Variants in SYN2 observed in about 807,000 individuals in gnomAD.
SYN2 encodes synapsin-2.
A neutral mutation model predicts 50.9 loss-of-function variants in SYN2; 19 were observed. That is an observed-to-expected ratio of 0.37 (90% CI 0.26 to 0.55). The LOEUF (loss-of-function observed/expected upper bound fraction) is 0.55. SYN2 is among the 20% of genes least tolerant of loss of function. SYN2 has a pLI of 0.81. For synonymous variants in SYN2, 255 were observed against 224.9 expected (o/e 1.13, Z -1.20); for missense variants, 587 against 576.4 (o/e 1.02, Z -0.19).
rs565622564 is a variant in SYN2, at chr3:12,006,857, G to C, written c.377+1929G>C. ...TGGTTAGTGAGAGCCAGAGTTATTG[G>C]AGAAAGCTTCACAAAAGATGAATCT... On this transcript the variant is annotated intron_variant, in intron 1 of 12. Coordinates refer to ENST00000621198, the MANE Select transcript of SYN2 (RefSeq NM_133625.6). Among the ~76,000 whole-genome samples the C allele has an allele frequency of 2.0e-5, 3 of 152,308 alleles. No individual in the cohort carries two copies. The South Asian group carries it at 6.2e-4, about 32-fold the overall frequency.
At chr3:12,043,870 T>C (rs757834701) in intron 1 of SYN2, among the ~76,000 whole-genome samples, 38 of 152,166 alleles carry the variant, frequency 2.5e-4, no homozygotes, top group Non-Finnish European at 4.3e-4. Context: ...ACCTAATATT[T>C]TATCTGTTTC....
intron 1 of SYN2, among the ~76,000 whole-genome samples, chr3:12,014,582 G>A (rs1460032310): frequency 2.0e-5 from 3 of 152,142 alleles, no homozygotes; most frequent in East Asian, 3.9e-4. Flanking sequence ...TAAAATTGAG[G>A]ACCAAGTTTC....
intron 1 of SYN2, among the ~76,000 whole-genome samples, chr3:12,060,847 C>T (rs190477587): frequency 1.2e-3 from 177 of 152,260 alleles, no homozygotes; most frequent in Admixed American, 3.8e-3. Context: ...AATTACAAGT[C>T]ATGCTAAAGG....
At chr3:12,119,685 C>T (rs1696509605) in intron 1 of SYN2, among the ~76,000 whole-genome samples, 1 of 152,184 alleles carries the variant, frequency 6.6e-6, no homozygotes. Context: ...TTTTAGTCAC[C>T]TTTCAGGTTG....
intron 1 of SYN2, among the ~76,000 whole-genome samples, chr3:12,036,315 T>G (rs1694497163): frequency 6.6e-6 from 1 of 152,186 alleles, no homozygotes; most frequent in Admixed American, 6.5e-5. Flanking sequence ...GTGACAAGTC[T>G]CTGCGTTGGC....
chr3:12,015,511 A>G (rs1489091440), intron 1 of SYN2, among the ~76,000 whole-genome samples: 1 of 152,252 alleles, frequency 6.6e-6, no homozygotes, highest in African/African-American at 2.4e-5. Context: ...AAATATAAAC[A>G]AATGACAGCT....
intron 3 of SYN2, among the ~76,000 whole-genome samples, chr3:12,142,275 A>G (rs977211349): frequency 1.3e-5 from 2 of 152,068 alleles, no homozygotes; most frequent in Admixed American, 6.6e-5. Context: ...ATTTCCCCCA[A>G]CCCCTTCAGC....
intron 10 of SYN2, among the ~76,000 whole-genome samples, chr3:12,178,538 C>T (rs1698142844): frequency 6.6e-6 from 1 of 152,206 alleles, no homozygotes; most frequent in African/African-American, 2.4e-5. Context: ...TTTACCATTT[C>T]TGCAAGGACC....
At chr3:12,189,947 T>TGAC (rs1271799658) in intron 12 of SYN2, among the ~76,000 whole-genome samples, 2 of 152,184 alleles carry the variant, frequency 1.3e-5, no homozygotes, top group East Asian at 3.9e-4. Context: ...TTACCAAACT[T>TGAC]GACAGATGAG....
rs1404563223 is a variant in SYN2, at chr3:12,191,528, CTGTT to C, written c.*907_*910del. ...GAGTGAAAAATCTAGGTGTGTGAAG[CTGTT>C]TGTGTCAGTTTGTGTGTGTGACTGC... On this transcript the variant is annotated 3_prime_UTR_variant, in exon 13 of 13. Transcript: ENST00000621198. 3 of 152,070 alleles carry C rather than the reference CTGTT, an allele frequency of 2.0e-5. No homozygotes were observed. The highest frequency in any genetic ancestry group is 6.6e-5 in the Admixed American group (1 of 15,252). The allele number at this position is 152,070 out of a possible 1,614,324, so 9.4% of individuals were successfully genotyped here. A position where few individuals can be genotyped will look rare whatever the true frequency, so the allele number is the denominator to read the frequency against.
chr3:12,010,594 C>T (rs907301767), intron 1 of SYN2, among the ~76,000 whole-genome samples: 2 of 152,198 alleles, frequency 1.3e-5, no homozygotes, highest in African/African-American at 2.4e-5. Flanking sequence ...TAAACCACTT[C>T]GCATCTTTGG....
intron 10 of SYN2, among the ~76,000 whole-genome samples, chr3:12,175,395 A>G (rs1698041966): frequency 6.6e-6 from 1 of 152,224 alleles, no homozygotes; most frequent in South Asian, 2.1e-4. Flanking sequence ...AGGACTTTGC[A>G]TAGCCAGCTC....
At chr3:12,032,028 C>T (rs1322673303) in intron 1 of SYN2, among the ~76,000 whole-genome samples, 2 of 141,106 alleles carry the variant, frequency 1.4e-5, no homozygotes, top group Non-Finnish European at 3.1e-5. Flanking sequence ...CCGGTTGTTC[C>T]TTTCCATGTT....
intron 1 of SYN2, among the ~76,000 whole-genome samples, chr3:12,122,908 A>G (rs977979257): frequency 2.6e-5 from 4 of 152,194 alleles, no homozygotes; most frequent in Non-Finnish European, 5.9e-5. Flanking sequence ...ACATGATACT[A>G]TGAATAAAAT....
At chr3:12,190,038 T>A (rs1417688413) in intron 12 of SYN2, among the ~76,000 whole-genome samples, 1 of 152,168 alleles carries the variant, frequency 6.6e-6, no homozygotes, top group Admixed American at 6.5e-5. Flanking sequence ...GGTCTTCTCA[T>A]CTGGCTCCAC....
chr3:12,028,704 C>T (rs1166789286), intron 1 of SYN2, among the ~76,000 whole-genome samples: 1 of 147,244 alleles, frequency 6.8e-6, no homozygotes, highest in Admixed American at 6.7e-5. Context: ...ATGTCCTTCG[C>T]CCACTTTTTG....
chr3:12,187,235 T>G lies in SYN2; in HGVS notation c.1370-134T>G, dbSNP rs547191323. 4 of 1,309,280 alleles carry G rather than the reference T, an allele frequency of 3.1e-6. No homozygotes were observed. The African/African-American group carries it at 5.9e-5, about 19-fold the overall frequency. 81.1% of individuals were successfully genotyped at this position (1,309,280 alleles called of 1,614,324 possible). On this transcript the variant is annotated intron_variant, in intron 11 of 12. Transcript: ENST00000621198. ...AACCAAGGACCCCCTTTAGGGCCCT[T>G]CAGAGACTCCAGCTTCTTGGAATAG...
intron 1 of SYN2, among the ~76,000 whole-genome samples, chr3:12,015,195 G>A (rs913648198): frequency 6.6e-6 from 1 of 152,152 alleles, no homozygotes; most frequent in Non-Finnish European, 1.5e-5. Context: ...CTCAGTTGTT[G>A]CATCGTCTAG....
chr3:12,064,111 T>A (rs1246799066), intron 1 of SYN2, among the ~76,000 whole-genome samples: 5 of 152,036 alleles, frequency 3.3e-5, no homozygotes, highest in Non-Finnish European at 7.4e-5. Context: ...TGGTACTTGA[T>A]CTCTGTGGTC....
Sources: allele counts gnomAD v4.1 joint callset (sites outside exome capture counted in the v4.1 genomes callset), GRCh38; gene constraint gnomAD v4.1.1; transcripts MANE v1.5; gene names NCBI Gene and HGNC (gene_info 2026-07-23, HGNC 2026-07-21).